PHF14: variants seen among roughly 807,000 people sequenced by gnomAD.
The protein encoded by PHF14 is PHD finger protein 14.
Under a neutral mutation model 117.9 loss-of-function variants are expected in PHF14, and 55 were observed. The observed-to-expected ratio is 0.47, with a 90% CI of 0.38 to 0.58. The LOEUF (loss-of-function observed/expected upper bound fraction) is 0.58, where lower values mean the gene tolerates loss of function less well. PHF14 is among the 20% of genes least tolerant of loss of function. The probability of loss-of-function intolerance (pLI) is 0.00; values close to 1 mark genes in which losing one functional copy is unlikely to be tolerated. For synonymous variants in PHF14, 409 were observed against 368.6 expected, an observed-to-expected ratio of 1.11 and a Z score of -1.26; for missense variants, 978 against 1,122.2, an observed-to-expected ratio of 0.87 and a Z score of 1.84.
intron 5 of PHF14, among the ~76,000 whole-genome samples, chr7:11,019,309 G>T (rs192614557): frequency 8.6e-4 from 131 of 152,254 alleles, no homozygotes; most frequent in Admixed American, 2.9e-3. Context: ...AGTAAGATTG[G>T]TATTAGTTCT....
chr7:11,147,761 T>G (rs1788589034), intron 17 of PHF14, among the ~76,000 whole-genome samples: 1 of 152,206 alleles, frequency 6.6e-6, no homozygotes, highest in Admixed American at 6.5e-5. Flanking sequence ...TGTATGTCCC[T>G]GAGTGATTGC....
intron 16 of PHF14, among the ~76,000 whole-genome samples, chr7:11,070,243 G>A (rs1785568650): frequency 6.6e-6 from 1 of 152,214 alleles, no homozygotes. Flanking sequence ...ATGCCCAGCT[G>A]ATTTTTTAAT....
chr7:11,021,703 CTT>C (rs1783742484), intron 5 of PHF14, among the ~76,000 whole-genome samples: 1 of 152,024 alleles, frequency 6.6e-6, no homozygotes, highest in South Asian at 2.1e-4. Flanking sequence ...AGATGTGTAT[CTT>C]TATATTGAAC....
At chr7:11,135,902 T>C (rs534913172) in intron 17 of PHF14, among the ~76,000 whole-genome samples, 2 of 152,168 alleles carry the variant, frequency 1.3e-5, no homozygotes, top group Non-Finnish European at 2.9e-5. Context: ...TACATAATTT[T>C]CAGCTGGCTG....
At chr7:11,103,458 A>G (rs1787157705) in intron 16 of PHF14, 2 of 982,300 alleles carry the variant, frequency 2.0e-6, no homozygotes, top group Non-Finnish European at 2.4e-6. Flanking sequence ...TTCCAGAGGT[A>G]TACAGAATTA....
chr7:11,105,270 A>T (rs1056231858), intron 16 of PHF14: 1 of 952,420 alleles, frequency 1.0e-6, no homozygotes. Context: ...TTAAGTGTTC[A>T]TCTGATTTTA....
chr7:11,003,987 C>A (rs1313593268), intron 4 of PHF14, among the ~76,000 whole-genome samples: 1 of 152,014 alleles, frequency 6.6e-6, no homozygotes. Flanking sequence ...GTGGCTCACG[C>A]TTGTAATCCC....
chr7:10,980,294 G>A (rs530706828), intron 2 of PHF14, among the ~76,000 whole-genome samples: 30 of 152,132 alleles, frequency 2.0e-4, no homozygotes, highest in African/African-American at 6.3e-4. Flanking sequence ...TCATCTCCTA[G>A]CTCTCTTAAT....
intron 16 of PHF14, among the ~76,000 whole-genome samples, chr7:11,069,262 A>G (rs573096495): frequency 6.6e-6 from 1 of 152,214 alleles, no homozygotes; most frequent in African/African-American, 2.4e-5. Context: ...GGAGAAATTT[A>G]GTCTTACTGC....
At chr7:11,113,526 A>G (rs1787510377) in intron 17 of PHF14, among the ~76,000 whole-genome samples, 1 of 152,196 alleles carries the variant, frequency 6.6e-6, no homozygotes, top group Non-Finnish European at 1.5e-5. Context: ...CTAATATTGG[A>G]ATGTCACAGC....
In PHF14 at chr7:11,019,664, T is replaced by G. The variant is rs149873825; in HGVS notation, c.1206-3204T>G. 6.8e-3 allele frequency among the ~76,000 whole-genome samples: 1,043 copies of G among 152,298 alleles called. 45 individuals are homozygous for G. The highest frequency in any genetic ancestry group is 0.057 in the Admixed American group (864 of 15,290). On this transcript the variant is annotated intron_variant, in intron 5 of 17. Coordinates refer to ENST00000634607, the MANE Select transcript of PHF14 (RefSeq NM_001007157.2). Reference sequence around the variant, plus strand: ...CAGCCTGGCTAAAGGTTTGTCAGTGTTGTTTACCTTTTCAAAATACTAACA... The same window carrying G: ...CAGCCTGGCTAAAGGTTTGTCAGTGGTGTTTACCTTTTCAAAATACTAACA...
intron 4 of PHF14, among the ~76,000 whole-genome samples, chr7:11,005,246 TGTAG>T (rs1424383168): frequency 4.6e-4 from 70 of 152,358 alleles, no homozygotes; most frequent in East Asian, 1.2e-3. Context: ...TGATTACATA[TGTAG>T]GCTGCAAGAT....
At chr7:11,068,500 A>G (rs1476549306) in intron 16 of PHF14, among the ~76,000 whole-genome samples, 1 of 152,132 alleles carries the variant, frequency 6.6e-6, no homozygotes, top group Non-Finnish European at 1.5e-5. Context: ...ATTTATAGAG[A>G]CAAAAGTAAA....
chr7:11,127,372 C>A (rs1050834942), intron 17 of PHF14, among the ~76,000 whole-genome samples: 1 of 151,800 alleles, frequency 6.6e-6, no homozygotes, highest in African/African-American at 2.4e-5. Flanking sequence ...TTTTGATTGG[C>A]ATTATCCCCA....
chr7:10,996,820 C>T, intron 4 of PHF14, among the ~76,000 whole-genome samples: 1 of 152,052 alleles, frequency 6.6e-6, no homozygotes, highest in East Asian at 1.9e-4. Context: ...GAACCAGAGC[C>T]CACAAGATAG....
At chr7:11,074,821 A>G (rs1562452555) in intron 16 of PHF14, among the ~76,000 whole-genome samples, 2 of 152,066 alleles carry the variant, frequency 1.3e-5, no homozygotes, top group East Asian at 1.9e-4. Context: ...CCACTTAACA[A>G]TACTCTAAGA....
chr7:11,059,116 C>G (rs1036698272), intron 14 of PHF14, among the ~76,000 whole-genome samples: 6 of 152,002 alleles, frequency 3.9e-5, no homozygotes, highest in African/African-American at 1.4e-4. Flanking sequence ...GGAGCTATAC[C>G]ATTGTGTGAT....
At chr7:11,018,597 CT>C (rs1190841756) in intron 5 of PHF14, among the ~76,000 whole-genome samples, 1 of 152,040 alleles carries the variant, frequency 6.6e-6, no homozygotes, top group Non-Finnish European at 1.5e-5. Flanking sequence ...TTGCTTTTGT[CT>C]TTTGCAACTT....
At chr7:11,071,927 A>G (rs186175418) in intron 16 of PHF14, among the ~76,000 whole-genome samples, 4 of 152,346 alleles carry the variant, frequency 2.6e-5, no homozygotes, top group Non-Finnish European at 5.9e-5. Flanking sequence ...CTAAATTTAT[A>G]TTAAGAGCCT....
Sources: gnomAD v4.1 joint callset for allele counts (sites outside exome capture counted in the v4.1 genomes callset) on GRCh38, gnomAD v4.1.1 for gene constraint, MANE v1.5 for transcripts, NCBI Gene and HGNC (gene_info 2026-07-23, HGNC 2026-07-21) for gene names.